TFEC: variants seen among roughly 807,000 people sequenced by gnomAD.
TFEC encodes transcription factor EC.
A neutral mutation model predicts 41.6 loss-of-function variants in TFEC; 31 were observed. That is an observed-to-expected ratio of 0.74 (90% CI 0.56 to 1.01). The LOEUF (loss-of-function observed/expected upper bound fraction) is 1.01, where lower values mean the gene tolerates loss of function less well. Ranked by LOEUF, TFEC falls within the 50% of genes least tolerant of loss-of-function variation. TFEC has a pLI of 0.00. For synonymous variants in TFEC, 143 were observed against 140.6 expected (o/e 1.02, Z -0.12); for missense variants, 402 against 404.1 (o/e 0.99, Z 0.04).
At chr7:116,010,367 G>T (rs1477454389) in intron 1 of TFEC, among the ~76,000 whole-genome samples, 7 of 152,172 alleles carry the variant, frequency 4.6e-5, no homozygotes, top group Admixed American at 4.6e-4. Flanking sequence ...CAAATAGCTG[G>T]ATTCAAGAGA....
At chr7:116,147,559 C>A (rs1189886671) in intron 1 of TFEC, among the ~76,000 whole-genome samples, 1 of 133,510 alleles carries the variant, frequency 7.5e-6, no homozygotes, top group East Asian at 2.7e-4. Context: ...TCCCCCTCCC[C>A]CCACCCCACA....
At chr7:116,008,710 T>C (rs1362300996) in intron 1 of TFEC, among the ~76,000 whole-genome samples, 1 of 152,200 alleles carries the variant, frequency 6.6e-6, no homozygotes, top group Non-Finnish European at 1.5e-5. Flanking sequence ...GGATATGATA[T>C]ACCCATAAAT....
intron 3 of TFEC, among the ~76,000 whole-genome samples, chr7:116,055,580 T>C (rs1312254842): frequency 6.6e-6 from 1 of 152,044 alleles, no homozygotes; most frequent in Non-Finnish European, 1.5e-5. Context: ...ATGGATTATA[T>C]ATTACAAAAA....
rs540688742 is a variant in TFEC at position 116,117,157 on chromosome 7, T to A, written c.-68-5119A>T. ...TGAGTCTGATTTGTCCTGGGAACTA[T>A]TAAGAGGTCGCCTACCTACTTCTCA... On this transcript the variant is annotated intron_variant, in intron 1 of 8. Coordinates refer to the TFEC transcript ENST00000484212. Among the ~76,000 whole-genome samples the A allele has an allele frequency of 1.6e-4, 24 of 151,978 alleles. 1 individual carries two copies. In the South Asian group the frequency reaches 5.0e-3, roughly 32 times the overall value.
intron 1 of TFEC, among the ~76,000 whole-genome samples, chr7:116,144,015 C>A (rs1798591833): frequency 6.6e-6 from 1 of 151,952 alleles, no homozygotes; most frequent in African/African-American, 2.4e-5. Context: ...GTCAGGAGAT[C>A]GAGACCATCC....
At chr7:116,125,124 A>C (rs938899994) in intron 1 of TFEC, among the ~76,000 whole-genome samples, 6 of 152,194 alleles carry the variant, frequency 3.9e-5, no homozygotes, top group Admixed American at 3.9e-4. Flanking sequence ...AGCAACAGTG[A>C]GTATAATAAG....
At chr7:116,105,906 C>T (rs1797706685) in intron 3 of TFEC, among the ~76,000 whole-genome samples, 1 of 152,092 alleles carries the variant, frequency 6.6e-6, no homozygotes, top group Non-Finnish European at 1.5e-5. Context: ...CTCTTTCCAC[C>T]TTCCATTCCC....
upstream of TFEC, among the ~76,000 whole-genome samples, chr7:116,033,255 G>A (rs1795831096): frequency 6.6e-6 from 1 of 152,006 alleles, no homozygotes; most frequent in Admixed American, 6.6e-5. Flanking sequence ...CAAAGTGCTT[G>A]GCTGCAGGAA....
chr7:116,017,078 C>T (rs759703964), intron 1 of TFEC, among the ~76,000 whole-genome samples: 1 of 152,176 alleles, frequency 6.6e-6, no homozygotes, highest in Non-Finnish European at 1.5e-5. Context: ...ACCATCATTG[C>T]ATACTGTGAA....
intron 3 of TFEC, among the ~76,000 whole-genome samples, chr7:116,036,831 T>G (rs1274342835): frequency 6.6e-6 from 1 of 152,098 alleles, no homozygotes; most frequent in Admixed American, 6.6e-5. Flanking sequence ...AGAATTGTTT[T>G]CCTTATATCT....
intron 3 of TFEC, among the ~76,000 whole-genome samples, chr7:116,044,357 TG>T (rs899765408): frequency 1.4e-4 from 22 of 152,308 alleles, no homozygotes; most frequent in Middle Eastern, 3.4e-3. Flanking sequence ...AGTGGGCACG[TG>T]CTCTTACTAC....
At chr7:116,035,063 C>G (rs1023541749), upstream of TFEC, among the ~76,000 whole-genome samples, 1 of 151,822 alleles carries the variant, frequency 6.6e-6, no homozygotes, top group East Asian at 1.9e-4. Context: ...GGAAAGACAG[C>G]TTCACGAAGA....
rs1793263051 is a variant in TFEC, at chr7:115,974,180, A to G, written c.257T>C (p.Met86Thr). Residue 86 changes from methionine (M) to threonine (T), a missense_variant, in exon 3 of 8, where the codon ATG (methionine) becomes ACG (threonine). Coordinates refer to ENST00000265440, the MANE Select transcript of TFEC (RefSeq NM_012252.4). ...TCTGAAAGCACTTACTGTTCTTTGC[A>G]TTAGCAGAGGAGAGTCTGCTCCTTC... Reference protein sequence around the residue: ...KEEGADSPLLMQRTLSGSILD... With the variant: ...KEEGADSPLLTQRTLSGSILD... The G allele has an allele frequency of 6.3e-7, 1 of 1,594,784 alleles. No individual in the cohort carries two copies. Among genetic ancestry groups the G allele is most frequent in the Non-Finnish European group, 8.5e-7 (1 of 1,172,086 alleles).
chr7:116,075,561 G>A (rs1310804548), intron 3 of TFEC, among the ~76,000 whole-genome samples: 1 of 152,138 alleles, frequency 6.6e-6, no homozygotes, highest in Non-Finnish European at 1.5e-5. Context: ...AGTGAGACCA[G>A]CCTTTAAGAC....
chr7:116,050,803 A>C (rs1796290632), intron 3 of TFEC, among the ~76,000 whole-genome samples: 1 of 152,230 alleles, frequency 6.6e-6, no homozygotes, highest in South Asian at 2.1e-4. Context: ...CTGGGCATAT[A>C]CCCAAAGGAC....
At chr7:116,140,117 T>C (rs1397860155) in intron 1 of TFEC, among the ~76,000 whole-genome samples, 5 of 152,170 alleles carry the variant, frequency 3.3e-5, no homozygotes, top group Non-Finnish European at 7.3e-5. Flanking sequence ...GGTGAAGGAC[T>C]GTGAGGAAAT....
chr7:115,945,851 T>G lies in TFEC; in HGVS notation c.516-3811A>C, dbSNP rs545980538. Among the ~76,000 whole-genome samples, 5 of 151,856 alleles carry G rather than the reference T, an allele frequency of 3.3e-5. No individual in the cohort carries two copies. The South Asian group carries it at 8.6e-4, about 26-fold the overall frequency. Reference sequence around the variant, plus strand: ...GCTTATTTTTGTCAATAAATTTCACTGGATGAGGTCAAGCTCATTCATTCC... The same window carrying G: ...GCTTATTTTTGTCAATAAATTTCACGGGATGAGGTCAAGCTCATTCATTCC... On this transcript the variant is annotated intron_variant, in intron 6 of 7. Coordinates refer to ENST00000265440, the MANE Select transcript of TFEC (RefSeq NM_012252.4).
intron 3 of TFEC, among the ~76,000 whole-genome samples, chr7:116,061,837 A>C (rs533228903): frequency 1.2e-4 from 18 of 152,332 alleles, no homozygotes; most frequent in Admixed American, 1.3e-4. Context: ...AATAAGGCTC[A>C]ACATCAACAG....
intron 3 of TFEC, among the ~76,000 whole-genome samples, chr7:116,110,084 G>T (rs1402320831): frequency 1.3e-5 from 2 of 152,156 alleles, no homozygotes; most frequent in African/African-American, 2.4e-5. Flanking sequence ...CATGGAGTGG[G>T]GGGAAGGGGG....
Sources: allele counts gnomAD v4.1 joint callset (sites outside exome capture counted in the v4.1 genomes callset), GRCh38; gene constraint gnomAD v4.1.1; transcripts MANE v1.5; gene names NCBI Gene and HGNC (gene_info 2026-07-23, HGNC 2026-07-21).